The following KCNIP1 variants were observed in gnomAD, a reference collection of about 807,000 sequenced individuals.
KCNIP1 encodes the protein potassium voltage-gated channel interacting protein 1.
In KCNIP1, 18 loss-of-function variants were observed where a neutral mutation model predicts 33.0. The ratio of observed to expected loss-of-function variants is 0.55; its 90% CI spans 0.38 to 0.81. The LOEUF (loss-of-function observed/expected upper bound fraction) is 0.81. Among genes scored for constraint, KCNIP1 ranks in the 30% least tolerant of loss-of-function variants. The pLI, the probability that KCNIP1 is intolerant of heterozygous loss-of-function variation, is 0.00. For synonymous variants in KCNIP1, 93 were observed against 98.3 expected (o/e 0.95, Z 0.32); for missense variants, 238 against 271.6 (o/e 0.88, Z 0.87).
At chr5:170,458,218 A>G (rs1756431608) in intron 1 of KCNIP1, among the ~76,000 whole-genome samples, 1 of 152,258 alleles carries the variant, frequency 6.6e-6, no homozygotes, top group Non-Finnish European at 1.5e-5. Context: ...GCCAAACCTA[A>G]GAATAATTGG....
At chr5:170,682,784 C>CTTTTTTTTTTTTTTTGTTTTTTTT (rs1762397637) in intron 1 of KCNIP1, among the ~76,000 whole-genome samples, 1 of 71,404 alleles carries the variant, frequency 1.4e-5, no homozygotes, top group Non-Finnish European at 2.4e-5. Context: ...TTCTTTGTTT[C>CTTTTTTTTTTTTTTTGTTTTTTTT]TTTTTTTTTT....
At chr5:170,355,846 GC>G (rs1376367676) in intron 1 of KCNIP1, among the ~76,000 whole-genome samples, 1 of 152,232 alleles carries the variant, frequency 6.6e-6, no homozygotes, top group African/African-American at 2.4e-5. Flanking sequence ...CTTCAGTACA[GC>G]CTTTCCTGTG....
At chr5:170,538,679 C>T (rs960506077) in intron 1 of KCNIP1, among the ~76,000 whole-genome samples, 1 of 151,322 alleles carries the variant, frequency 6.6e-6, no homozygotes, top group African/African-American at 2.4e-5. Flanking sequence ...GCCCCCAAAA[C>T]TCTCAGTTTA....
At chr5:170,523,892 A>T (rs1477094713) in intron 1 of KCNIP1, among the ~76,000 whole-genome samples, 1 of 152,102 alleles carries the variant, frequency 6.6e-6, no homozygotes, top group Non-Finnish European at 1.5e-5. Flanking sequence ...CTAGGAACCC[A>T]GGAGTCCTAA....
chr5:170,732,763 G>T lies in KCNIP1; in HGVS notation c.436-37G>T, dbSNP rs185168814. Reference sequence around the variant, plus strand: ...TCACCTAGGAAGAGCTTGACCTCATGGTTTCCACACTGTGTGCTTTTATGT... The same window carrying T: ...TCACCTAGGAAGAGCTTGACCTCATTGTTTCCACACTGTGTGCTTTTATGT... On this transcript the variant is annotated intron_variant, in intron 5 of 7. Coordinates refer to ENST00000328939, the MANE Select transcript of KCNIP1 (RefSeq NM_014592.4). 2.1e-6 allele frequency: 3 copies of T among 1,401,672 alleles called. No individual in the cohort carries two copies. In the East Asian group the frequency reaches 6.8e-5, roughly 32 times the overall value. 86.8% of individuals were successfully genotyped at this position (1,401,672 alleles called of 1,614,324 possible). A position where few individuals can be genotyped will look rare whatever the true frequency, so the allele number is the denominator to read the frequency against.
rs115855557 is a variant in KCNIP1 at position 170,451,868 on chromosome 5, T to C, written c.88+97904T>C. Among the ~76,000 whole-genome samples, 187 of 152,116 alleles carry C rather than the reference T, an allele frequency of 1.2e-3. 2 individuals carry two copies. Among genetic ancestry groups the C allele is most frequent in the Non-Finnish European group, 1.9e-3 (126 of 67,994 alleles). On this transcript the variant is annotated intron_variant, in intron 1 of 7. Coordinates refer to the KCNIP1 transcript ENST00000377360. ...AGCTAATATTCCTTGAGAAAAAGAATGTTATCACTGGATGATTACATCTGC... is the reference window on the plus strand; with the variant it reads ...AGCTAATATTCCTTGAGAAAAAGAACGTTATCACTGGATGATTACATCTGC...
chr5:170,376,121 T>C (rs1360727350), intron 1 of KCNIP1: 1 of 151,136 alleles, frequency 6.6e-6, no homozygotes, highest in East Asian at 2.0e-4. Context: ...GTATAACTTC[T>C]GGAAGTTTCT....
At chr5:170,383,767 T>C in intron 1 of KCNIP1, 2 of 1,614,164 alleles carry the variant, frequency 1.2e-6, no homozygotes, top group South Asian at 1.1e-5. Context: ...GCATGGGTAC[T>C]GGGGCACCTT....
chr5:170,633,204 G>T (rs1007186330), intron 1 of KCNIP1, among the ~76,000 whole-genome samples: 4 of 152,106 alleles, frequency 2.6e-5, no homozygotes, highest in African/African-American at 4.8e-5. Context: ...GCGTCCAGAA[G>T]AGGTAAGACA....
intron 1 of KCNIP1, among the ~76,000 whole-genome samples, chr5:170,416,626 C>T (rs13175143): frequency 0.21 from 32,570 of 151,844 alleles, 3,582 homozygotes; most frequent in Admixed American, 0.26. Context: ...TCAGTATCTC[C>T]GGTGTAAGAA....
intron 1 of KCNIP1, among the ~76,000 whole-genome samples, chr5:170,443,986 G>A (rs776570507): frequency 1.3e-5 from 2 of 152,230 alleles, no homozygotes; most frequent in African/African-American, 2.4e-5. Context: ...AACCCAAATG[G>A]TTAAGAAGAT....
upstream of KCNIP1, among the ~76,000 whole-genome samples, chr5:170,499,717 A>G (rs1274025467): frequency 3.9e-5 from 6 of 152,200 alleles, no homozygotes; most frequent in African/African-American, 1.4e-4. Context: ...ATAAATTAAG[A>G]AAGAAAGAGA....
intron 1 of KCNIP1, among the ~76,000 whole-genome samples, chr5:170,622,215 G>A (rs969240976): frequency 6.6e-6 from 1 of 152,176 alleles, no homozygotes; most frequent in African/African-American, 2.4e-5. Context: ...CTTCAAATGT[G>A]ACCTTTTTCA....
chr5:170,728,779 G>A (rs1200453019), intron 5 of KCNIP1, among the ~76,000 whole-genome samples: 4 of 151,920 alleles, frequency 2.6e-5, no homozygotes, highest in African/African-American at 7.3e-5. Context: ...GTGTTATTTG[G>A]GAAGGAAATT....
intron 1 of KCNIP1, among the ~76,000 whole-genome samples, chr5:170,467,095 G>A (rs1032057284): frequency 3.3e-5 from 5 of 152,164 alleles, no homozygotes; most frequent in African/African-American, 1.2e-4. Context: ...AAGTTTTGGC[G>A]GAGTTGACAA....
intron 1 of KCNIP1, among the ~76,000 whole-genome samples, chr5:170,386,001 C>A (rs1307312718): frequency 6.6e-6 from 1 of 151,288 alleles, no homozygotes; most frequent in Non-Finnish European, 1.5e-5. Context: ...TCGTGGGAGC[C>A]AGTAGTCCCA....
intron 1 of KCNIP1, among the ~76,000 whole-genome samples, chr5:170,497,690 C>A (rs1462095209): frequency 6.6e-6 from 1 of 152,228 alleles, no homozygotes; most frequent in East Asian, 1.9e-4. Flanking sequence ...ATCTGCCTTG[C>A]GCCAAGCATA....
intron 1 of KCNIP1, among the ~76,000 whole-genome samples, chr5:170,665,126 A>G (rs1353786568): frequency 6.6e-6 from 1 of 152,210 alleles, no homozygotes; most frequent in Non-Finnish European, 1.5e-5. Flanking sequence ...GGCTTGGGTA[A>G]TAAAATGGGG....
intron 1 of KCNIP1, among the ~76,000 whole-genome samples, chr5:170,712,209 C>A (rs1362344463): frequency 2.6e-5 from 4 of 152,208 alleles, no homozygotes; most frequent in Non-Finnish European, 5.9e-5. Context: ...GGCATCCACT[C>A]TGCCACACAT....
Sources: gnomAD v4.1 joint callset for allele counts (sites outside exome capture counted in the v4.1 genomes callset) on GRCh38, gnomAD v4.1.1 for gene constraint, MANE v1.5 for transcripts, NCBI Gene and HGNC (gene_info 2026-07-23, HGNC 2026-07-21) for gene names.